TXNRD1: variants seen among roughly 807,000 people sequenced by gnomAD.
TXNRD1 encodes thioredoxin reductase 1.
In TXNRD1, 57 loss-of-function variants were observed where a neutral mutation model predicts 80.3. That is an observed-to-expected ratio of 0.71 (90% CI 0.57 to 0.89). The LOEUF is 0.89. Ranked by LOEUF, TXNRD1 falls within the 40% of genes least tolerant of loss-of-function variation. TXNRD1 has a pLI of 0.00. For synonymous variants in TXNRD1, 291 were observed against 285.2 expected, an observed-to-expected ratio of 1.02 and a Z score of -0.20; for missense variants, 730 against 803.0, an observed-to-expected ratio of 0.91 and a Z score of 1.10.
chr12:104,262,797 T>C (rs904221372), intron 3 of TXNRD1, among the ~76,000 whole-genome samples: 5 of 152,056 alleles, frequency 3.3e-5, no homozygotes, highest in African/African-American at 4.8e-5. Context: ...TTCTTTTTTT[T>C]CCCAGCAAAT....
chr12:104,238,808 T>A (rs2032795009), intron 1 of TXNRD1, among the ~76,000 whole-genome samples: 2 of 152,078 alleles, frequency 1.3e-5, no homozygotes, highest in Admixed American at 6.6e-5. Flanking sequence ...TGTGGATAAT[T>A]TTTTTTGTCT....
chr12:104,224,460 C>T (rs568886392), intron 1 of TXNRD1, among the ~76,000 whole-genome samples: 1 of 152,278 alleles, frequency 6.6e-6, no homozygotes. Context: ...GCAATCTCGG[C>T]TCACTGCAAC....
At chr12:104,275,667 G>A (rs980649589) in intron 3 of TXNRD1, among the ~76,000 whole-genome samples, 4 of 152,164 alleles carry the variant, frequency 2.6e-5, no homozygotes, top group African/African-American at 9.7e-5. Context: ...ACAGGCATGA[G>A]CCACTGCACC....
At position 104,341,606 on chromosome 12, in the gene TXNRD1, T is replaced by G. The variant is rs866837493; in HGVS notation, c.1881+2333T>G. Reference sequence around the variant, plus strand: ...ACTTCTGACCCCAGATTTGTGGGGGTTTTGCTCACACGACCAATTCTCCAG... The same window carrying G: ...ACTTCTGACCCCAGATTTGTGGGGGGTTTGCTCACACGACCAATTCTCCAG... On this transcript the variant is annotated intron_variant, in intron 16 of 16. Coordinates refer to ENST00000525566, the MANE Select transcript of TXNRD1 (RefSeq NM_001093771.3). 6.3e-3 allele frequency among the ~76,000 whole-genome samples: 956 copies of G among 152,036 alleles called. 9 individuals carry two copies. The highest frequency in any genetic ancestry group is 0.022 in the African/African-American group (902 of 41,372).
chr12:104,292,353 T>C (rs958106368), intron 4 of TXNRD1, among the ~76,000 whole-genome samples: 7 of 151,798 alleles, frequency 4.6e-5, no homozygotes, highest in African/African-American at 1.7e-4. Flanking sequence ...TCTTTTGAAG[T>C]AGACTCGGGA....
At chr12:104,345,298 T>C (rs926887851) in intron 16 of TXNRD1, among the ~76,000 whole-genome samples, 2 of 152,222 alleles carry the variant, frequency 1.3e-5, no homozygotes, top group African/African-American at 4.8e-5. Context: ...TACTTTAAAC[T>C]GAGTGCTCAA....
chr12:104,233,186 A>G (rs7958278), intron 1 of TXNRD1, among the ~76,000 whole-genome samples: 28,147 of 152,240 alleles, frequency 0.18, 3,257 homozygotes, highest in East Asian at 0.57. Context: ...TTCCCTTACT[A>G]TATTTAACAG....
At chr12:104,234,194 C>T (rs1256913069) in intron 1 of TXNRD1, among the ~76,000 whole-genome samples, 1 of 152,200 alleles carries the variant, frequency 6.6e-6, no homozygotes, top group African/African-American at 2.4e-5. Flanking sequence ...TGGCTGTAGA[C>T]TACCTATTTG....
chr12:104,248,693 G>A (rs1217162640), intron 1 of TXNRD1, among the ~76,000 whole-genome samples: 2 of 152,146 alleles, frequency 1.3e-5, no homozygotes, highest in East Asian at 1.9e-4. Context: ...TGCAAATAAG[G>A]GTTGAAAGGC....
intron 16 of TXNRD1, among the ~76,000 whole-genome samples, chr12:104,340,006 T>G (rs1201051087): frequency 6.6e-6 from 1 of 152,242 alleles, no homozygotes; most frequent in Non-Finnish European, 1.5e-5. Flanking sequence ...CATGACTGGT[T>G]GTTCTGTCTG....
At chr12:104,271,382 T>A (rs1251691458) in intron 3 of TXNRD1, among the ~76,000 whole-genome samples, 1 of 152,030 alleles carries the variant, frequency 6.6e-6, no homozygotes, top group Non-Finnish European at 1.5e-5. Context: ...TTTCACCGTG[T>A]TAGCCAGGAT....
At chr12:104,335,126 G>T (rs1302980784) in intron 15 of TXNRD1, among the ~76,000 whole-genome samples, 1 of 151,430 alleles carries the variant, frequency 6.6e-6, no homozygotes, top group Non-Finnish European at 1.5e-5. Flanking sequence ...TCCTCCCACA[G>T]ATATACTTTA....
chr12:104,321,249 C>G lies in TXNRD1; in HGVS notation c.1148C>G (p.Ala383Gly), dbSNP rs1428439615. 1.9e-6 allele frequency: 3 copies of G among 1,613,768 alleles called. No individual in the cohort carries two copies. In the Admixed American group the frequency reaches 5.0e-5, roughly 27 times the overall value. ...CTTAGAGGATTTGACCAGGACATGG[C>G]CAACAAAATTGGTGAACACATGGAA... ...ILLRGFDQDM[A>G]NKIGEHMEEH... The change falls in exon 10 of 17, where the codon GCC becomes GGC. Residue 383 changes from alanine to glycine, a missense_variant. Ala to Gly is a moderately conservative substitution (Grantham distance 60, BLOSUM62 0). Transcript: ENST00000525566.
chr12:104,330,922 A>G (rs572959324), intron 13 of TXNRD1, among the ~76,000 whole-genome samples: 6 of 152,242 alleles, frequency 3.9e-5, no homozygotes, highest in African/African-American at 1.4e-4. Flanking sequence ...CAACATTGCC[A>G]CTATTGAGTA....
At chr12:104,313,767 C>T (rs980609312) in intron 6 of TXNRD1, among the ~76,000 whole-genome samples, 41 of 152,104 alleles carry the variant, frequency 2.7e-4, no homozygotes, top group African/African-American at 8.9e-4. Context: ...AAGGCAATGA[C>T]GATATAGCAG....
chr12:104,227,940 A>G (rs2032510770), intron 1 of TXNRD1, among the ~76,000 whole-genome samples: 1 of 152,176 alleles, frequency 6.6e-6, no homozygotes, highest in African/African-American at 2.4e-5. Context: ...ATTGAAGGAT[A>G]TTTAGATTTT....
chr12:104,287,069 C>T (rs1043574530), intron 3 of TXNRD1: 1 of 1,421,698 alleles, frequency 7.0e-7, no homozygotes, highest in Non-Finnish European at 9.2e-7. Flanking sequence ...GTGGTCGAGT[C>T]CTGAAGGAGG....
chr12:104,243,006 G>C (rs1158074846), intron 1 of TXNRD1, among the ~76,000 whole-genome samples: 3 of 152,050 alleles, frequency 2.0e-5, no homozygotes, highest in Non-Finnish European at 4.4e-5. Context: ...ACATAACTAA[G>C]GTTTAATCTT....
At chr12:104,267,572 A>G (rs1281734904) in intron 3 of TXNRD1, among the ~76,000 whole-genome samples, 1 of 150,584 alleles carries the variant, frequency 6.6e-6, no homozygotes, top group Non-Finnish European at 1.5e-5. Flanking sequence ...AGAACCTTCC[A>G]TGACCTGCCC....
Sources: gnomAD v4.1 joint callset for allele counts (sites outside exome capture counted in the v4.1 genomes callset) on GRCh38, gnomAD v4.1.1 for gene constraint, MANE v1.5 for transcripts, NCBI Gene and HGNC (gene_info 2026-07-23, HGNC 2026-07-21) for gene names.